Variants in TARS2 observed in about 807,000 individuals in gnomAD.
TARS2 encodes the protein threonine--tRNA ligase, mitochondrial.
A neutral mutation model predicts 94.4 loss-of-function variants in TARS2; 61 were observed. The ratio of observed to expected loss-of-function variants is 0.65; its 90% CI spans 0.53 to 0.80. The LOEUF is 0.80. Among genes scored for constraint, TARS2 ranks in the 30% least tolerant of loss-of-function variants. TARS2 has a pLI of 0.00. For missense variants in TARS2, 704 were observed against 902.5 expected, an observed-to-expected ratio of 0.78 and a Z score of 2.82; for synonymous variants, 359 against 353.4, an observed-to-expected ratio of 1.02 and a Z score of -0.18.
At position 150,505,628 on chromosome 1, in the gene TARS2, A is replaced by T. The variant is rs1249138480; in HGVS notation, c.1931A>T (p.Asp644Val). Residue 644 changes from aspartate to valine, a missense_variant, in exon 17 of 18, where the codon GAC becomes GTC. Physicochemically the swap from Asp to Val is radical, Grantham distance 152. This residue lies in a region of TARS2 where 466 missense variants were observed against 609.5 expected (regional missense o/e 0.76). Transcript: ENST00000369064. The stretch of plus-strand genomic sequence containing the variant: ...CTGCGGGCTGCAGGACTGGTCAGTG[A>T]CCTGGATGCAGACTCTGGACTGACC... ...QSLRAAGLVS[D>V]LDADSGLTLS... is the part of the protein sequence containing the mutation. 6.2e-7 allele frequency: 1 copy of T among 1,614,148 alleles called. No individual in the cohort carries two copies. Among genetic ancestry groups the T allele is most frequent in the Non-Finnish European group, 8.5e-7 (1 of 1,180,020 alleles).
intron 6 of TARS2, 179 bp from the exon 7 acceptor site, chr1:150,492,231 TG>T: frequency 6.8e-6 from 4 of 587,428 alleles, no homozygotes; most frequent in Non-Finnish European, 1.2e-5. Flanking sequence ...CCCAAAGTTC[TG>T]GGATTATAGA....
rs377227393 is a variant in TARS2 at position 150,505,727 on chromosome 1, A to G, written c.2008+22A>G. The G allele has an allele frequency of 1.1e-5, 18 of 1,601,642 alleles. No individual in the cohort carries two copies. The South Asian group carries it at 1.2e-4, about 11-fold the overall frequency. On this transcript the variant is annotated intron_variant, in intron 17 of 17. Coordinates refer to ENST00000369064, the MANE Select transcript of TARS2 (RefSeq NM_025150.5). ...TTTGGTAAGCTGAACCTCAGAGCCA[A>G]TGTTCTCCCACCTGCCGTCTGCATT... is the stretch of plus-strand genomic sequence containing the variant.
intron 7 of TARS2, among the ~76,000 whole-genome samples, chr1:150,494,820 G>C (rs55823828): frequency 0.31 from 47,283 of 151,982 alleles, 8,434 homozygotes; most frequent in Non-Finnish European, 0.4. Context: ...AGTGAATCAC[G>C]AGGTCCAGAG....
In TARS2 at chr1:150,497,660, A is replaced by T; in HGVS notation, c.1151A>T (p.Asp384Val). 6.2e-7 allele frequency: 1 copy of T among 1,614,148 alleles called. No homozygotes were observed. ...DMFAVQPPGS[D>V]RPPSSQSDDS... ...TTTGCCGTGCAGCCCCCAGGCTCTG[A>T]CAGGCCTCCCAGCTCCCAGAGTGAC... Residue 384 changes from aspartate to valine, a missense_variant, in exon 10 of 18, where the codon GAC (aspartate) becomes GTC (valine). By Grantham distance (152) the Asp-to-Val change is radical. Around this residue, in one of 3 missense-constraint regions of TARS2, gnomAD observed 466 missense variants for 609.5 expected, o/e 0.76. Coordinates refer to ENST00000369064, the MANE Select transcript of TARS2 (RefSeq NM_025150.5).
intron 13 of TARS2, among the ~76,000 whole-genome samples, chr1:150,502,274 G>GA (rs1669958534): frequency 6.7e-6 from 1 of 148,568 alleles, no homozygotes; most frequent in African/African-American, 2.5e-5. Context: ...CCAGACTGAA[G>GA]TGCACTGGCG....
At chr1:150,503,269 G>A (rs587630224) in intron 13 of TARS2, among the ~76,000 whole-genome samples, 7 of 152,224 alleles carry the variant, frequency 4.6e-5, no homozygotes, top group African/African-American at 1.2e-4. Flanking sequence ...AACAATGAAT[G>A]GTACAAAGGG....
chr1:150,501,538 G>A (rs1396994669), intron 13 of TARS2, among the ~76,000 whole-genome samples: 4 of 148,320 alleles, frequency 2.7e-5, no homozygotes, highest in East Asian at 3.9e-4. Flanking sequence ...GGGTTTCACC[G>A]TGTTAGCCAG....
At position 150,498,568 on chromosome 1, in the gene TARS2, T is replaced by C. The variant is rs1304423367; in HGVS notation, c.1305T>C (p.Ala435=). ...ELPLRLADFG[A]LHRAEASGGL... ...CCCTGCGACTAGCTGACTTTGGGGCTCTACACCGGGCCGAAGCCTCTGGTG... is the reference window on the plus strand; with the variant it reads ...CCCTGCGACTAGCTGACTTTGGGGCCCTACACCGGGCCGAAGCCTCTGGTG... Residue 435 remains alanine (A), a synonymous_variant, in exon 11 of 18, where the codon GCT becomes GCC. Transcript: ENST00000369064. 1.2e-6 allele frequency: 2 copies of C among 1,608,138 alleles called. No homozygotes were observed. Among genetic ancestry groups the C allele is most frequent in the East Asian group, 2.2e-5 (1 of 44,838 alleles).
At chr1:150,495,336 T>TACAC (rs145397075) in intron 7 of TARS2, among the ~76,000 whole-genome samples, 7,037 of 150,500 alleles carry the variant, frequency 0.047, 411 homozygotes, top group African/African-American at 0.13. Flanking sequence ...CAGATGTATA[T>TACAC]ACACACACAC....
Position 150,496,629 on chromosome 1 carries a change from G to A in TARS2, c.921+1G>A. ...GCGGGACCACCGGCGCATTGGGAAG[G>A]TACAGGAATTGGGAAGATAGGGAGG... On this transcript the variant is annotated splice_donor_variant, in intron 8 of 17. Coordinates refer to ENST00000369064, the MANE Select transcript of TARS2 (RefSeq NM_025150.5). LOFTEE classifies it high-confidence loss of function. 1 of 1,612,636 alleles carries A rather than the reference G, an allele frequency of 6.2e-7. No homozygotes were observed. Among genetic ancestry groups the A allele is most frequent in the South Asian group, 1.1e-5 (1 of 90,986 alleles).
chr1:150,492,795 G>A (rs111842933), intron 7 of TARS2, among the ~76,000 whole-genome samples: 6,416 of 130,260 alleles, frequency 0.049, 400 homozygotes, highest in African/African-American at 0.15. Context: ...GGGCAACAGA[G>A]CGAGAGTCCA....
Position 150,491,619 on chromosome 1 carries a change from T to G in TARS2, c.652T>G (p.Leu218Val). 6.2e-7 allele frequency: 1 copy of G among 1,614,072 alleles called. No individual in the cohort carries two copies. Among genetic ancestry groups the G allele is most frequent in the Non-Finnish European group, 8.5e-7 (1 of 1,180,012 alleles). Residue 218 changes from leucine to valine, a missense_variant, in exon 6 of 18, where the codon TTG becomes GTG. By Grantham distance (32) the Leu-to-Val change is conservative (BLOSUM62 1). Transcript: ENST00000369064. ...LFKDNPFKLH[L>V]IEEKVTGPTA... is the part of the protein sequence containing the mutation. ...CCAGGATAACCCCTTTAAGCTTCAC[T>G]TGATTGAGGAGAAAGTGACAGGTCC...
intron 7 of TARS2, among the ~76,000 whole-genome samples, chr1:150,494,175 T>A (rs904826347): frequency 1.3e-5 from 2 of 152,010 alleles, no homozygotes; most frequent in Admixed American, 1.3e-4. Flanking sequence ...GAGACCAGCC[T>A]GGCCAACATG....
Position 150,492,489 on chromosome 1 carries a change from G to C in TARS2, c.774G>C (p.Ser258=). ...AGATTGGAGGACTGAAGCTGCTATC[G>C]GTCAGTTGTGGGACAGAGTTAGGTT... ...TGQIGGLKLL[S]NSSSLWRSSG... is the part of the protein sequence containing the mutation. The change falls in exon 7 of 18, where the codon TCG becomes TCC. Residue 258 remains serine (S), a splice_region_variant and synonymous_variant. Coordinates refer to ENST00000369064, the MANE Select transcript of TARS2 (RefSeq NM_025150.5). The C allele has an allele frequency of 1.2e-6, 2 of 1,613,430 alleles. No individual in the cohort carries two copies. The highest frequency in any genetic ancestry group is 2.2e-5 in the South Asian group (2 of 91,050).
At chr1:150,492,122 T>A in intron 6 of TARS2, 1 of 336,986 alleles carries the variant, frequency 3.0e-6, no homozygotes, top group Non-Finnish European at 5.6e-6. Context: ...TGCACCACCA[T>A]GCCTAGCTAA....
intron 17 of TARS2, among the ~76,000 whole-genome samples, chr1:150,506,539 T>C (rs370295308): frequency 7.6e-5 from 9 of 119,144 alleles, no homozygotes; most frequent in African/African-American, 2.6e-4. Context: ...GGGGTTCTCA[T>C]TGTTTGTCTT....
intron 2 of TARS2, chr1:150,488,268 C>CA: frequency 2.0e-6 from 1 of 509,166 alleles, no homozygotes; most frequent in Non-Finnish European, 3.4e-6. Context: ...CTCCTGGGCT[C>CA]AAGCGATCCT....
chr1:150,501,995 C>G (rs2102502796), intron 13 of TARS2, among the ~76,000 whole-genome samples: 1 of 152,070 alleles, frequency 6.6e-6, no homozygotes, highest in South Asian at 2.1e-4. Context: ...TCACTGCAAC[C>G]TCTGCCTGCC....
In TARS2 at chr1:150,491,580, C is replaced by A; in HGVS notation, c.631-18C>A. On this transcript the variant is annotated intron_variant, in intron 5 of 17. Coordinates refer to ENST00000369064, the MANE Select transcript of TARS2 (RefSeq NM_025150.5). ...GGAATAAACACTTTTCTTCAATCTC[C>A]CTTCTACCTTTTTCCAGGATAACCC... The A allele has an allele frequency of 6.2e-7, 1 of 1,614,142 alleles. No homozygotes were observed. The highest frequency in any genetic ancestry group is 8.5e-7 in the Non-Finnish European group (1 of 1,180,042).
Sources: gnomAD v4.1 joint callset for allele counts (sites outside exome capture counted in the v4.1 genomes callset) on GRCh38, gnomAD v4.1.1 for gene constraint, gnomAD v4.1.1 regional missense constraint, MANE v1.5 for transcripts, NCBI Gene and HGNC (gene_info 2026-07-23, HGNC 2026-07-21) for gene names.